Variants in PDE4D observed in about 807,000 individuals in gnomAD.
PDE4D encodes phosphodiesterase 4D.
Under a neutral mutation model 87.4 loss-of-function variants are expected in PDE4D, and 24 were observed. The observed-to-expected ratio is 0.27, with a 90% CI of 0.20 to 0.39. The LOEUF (loss-of-function observed/expected upper bound fraction) is 0.39, where lower values mean the gene tolerates loss of function less well. Among genes scored for constraint, PDE4D ranks in the 10% least tolerant of loss-of-function variants. PDE4D has a pLI of 1.00. For missense variants in PDE4D, 714 were observed against 1,041.0 expected (o/e 0.69, Z 4.32); for synonymous variants, 384 against 383.2 (o/e 1.00, Z -0.02).
intron 1 of PDE4D, among the ~76,000 whole-genome samples, chr5:60,216,073 T>C (rs1302346797): frequency 6.6e-6 from 1 of 152,090 alleles, no homozygotes; most frequent in Non-Finnish European, 1.5e-5. Flanking sequence ...TTTGGGAGAT[T>C]CTGGGGCCCC....
intron 1 of PDE4D, among the ~76,000 whole-genome samples, chr5:60,451,006 T>C (rs1292129498): frequency 1.3e-5 from 2 of 152,004 alleles, no homozygotes; most frequent in Admixed American, 6.6e-5. Context: ...GGGTCAAAAA[T>C]AGAACTTATA....
chr5:60,104,993 T>C (rs1224173761), intron 2 of PDE4D, among the ~76,000 whole-genome samples: 1 of 152,000 alleles, frequency 6.6e-6, no homozygotes, highest in Non-Finnish European at 1.5e-5. Context: ...TCACCAGCAA[T>C]GGAACAAAGC....
intron 1 of PDE4D, among the ~76,000 whole-genome samples, chr5:60,326,275 C>T (rs2149854452): frequency 6.6e-6 from 1 of 152,232 alleles, no homozygotes; most frequent in East Asian, 1.9e-4. Flanking sequence ...TACTATTTTA[C>T]ATTCCCATTA....
At position 59,193,549 on chromosome 5, in the gene PDE4D, C is replaced by T. The variant is rs752002499; in HGVS notation, c.648-13G>A. On this transcript the variant is annotated splice_polypyrimidine_tract_variant and intron_variant, in intron 2 of 14. Transcript: ENST00000340635. ...GTCATCTCCGTGTCTGAAAAATAAA[C>T]CAAATCCCGCATTAGAAATCATCAA... 6.2e-7 allele frequency: 1 copy of T among 1,613,074 alleles called. No homozygotes were observed. The highest frequency in any genetic ancestry group is 1.7e-5 in the Admixed American group (1 of 59,888).
At chr5:60,516,749 T>C (rs1731071708) in intron 1 of PDE4D, among the ~76,000 whole-genome samples, 1 of 152,014 alleles carries the variant, frequency 6.6e-6, no homozygotes, top group African/African-American at 2.4e-5. Context: ...ATTAACTCAT[T>C]TAATTTTCAC....
At chr5:60,484,051 T>C (rs1473308140) in intron 1 of PDE4D, among the ~76,000 whole-genome samples, 2 of 152,150 alleles carry the variant, frequency 1.3e-5, no homozygotes, top group African/African-American at 2.4e-5. Context: ...CTAATTGATC[T>C]TTCAAATCAT....
intron 1 of PDE4D, among the ~76,000 whole-genome samples, chr5:59,669,401 C>T (rs919274634): frequency 3.9e-5 from 6 of 152,148 alleles, no homozygotes; most frequent in South Asian, 4.2e-4. Context: ...CATGAGTCAC[C>T]GTGCCCGGCC....
chr5:60,112,161 T>TAGA (rs369578013), intron 2 of PDE4D, among the ~76,000 whole-genome samples: 37 of 152,216 alleles, frequency 2.4e-4, no homozygotes, highest in African/African-American at 8.4e-4. Context: ...ACTTCACTAA[T>TAGA]AGAAGAGCTG....
chr5:60,139,304 T>TC (rs1259233503), intron 2 of PDE4D, among the ~76,000 whole-genome samples: 2 of 152,120 alleles, frequency 1.3e-5, no homozygotes, highest in Non-Finnish European at 2.9e-5. Context: ...ATCAGGTTTT[T>TC]CTCAAGATCT....
At chr5:59,829,828 G>A (rs1483212148) in intron 1 of PDE4D, among the ~76,000 whole-genome samples, 2 of 151,878 alleles carry the variant, frequency 1.3e-5, no homozygotes, top group East Asian at 1.9e-4. Flanking sequence ...AGTAGGGCGA[G>A]AGAGGCCATG....
At chr5:59,690,430 C>T (rs1270410946) in intron 1 of PDE4D, among the ~76,000 whole-genome samples, 1 of 152,178 alleles carries the variant, frequency 6.6e-6, no homozygotes, top group East Asian at 1.9e-4. Context: ...CTTCAACCAT[C>T]TGATCTTTGA....
At chr5:60,043,657 C>CTT (rs70975361) in intron 2 of PDE4D, among the ~76,000 whole-genome samples, 7 of 142,016 alleles carry the variant, frequency 4.9e-5, no homozygotes, top group Non-Finnish European at 6.2e-5. Flanking sequence ...AAGGAATTTT[C>CTT]TTTTTTTTTT....
chr5:59,519,677 G>A (rs895542933), intron 1 of PDE4D, among the ~76,000 whole-genome samples: 1 of 152,234 alleles, frequency 6.6e-6, no homozygotes, highest in Non-Finnish European at 1.5e-5. Flanking sequence ...TAGATGGCAT[G>A]CCATTGGATG....
chr5:59,185,247 G>A lies in PDE4D; in HGVS notation c.700C>T (p.Arg234Ter), dbSNP rs776726294. 3 of 1,611,446 alleles carry A rather than the reference G, an allele frequency of 1.9e-6. No individual in the cohort carries two copies. The highest frequency in any genetic ancestry group is 2.5e-6 in the Non-Finnish European group (3 of 1,178,204). Residue 234 changes from arginine (R) to a stop codon, truncating the protein, a stop_gained, in exon 4 of 15, where the codon CGA (arginine) becomes TGA (stop). Transcript: ENST00000340635. LOFTEE classifies it high-confidence loss of function. Reference sequence around the variant, plus strand: ...GCAGCAAAGTTGTTTCGTACAGTTCGCAGACTGGCCAAGACCTACAACAAG... The same window carrying A: ...GCAGCAAAGTTGTTTCGTACAGTTCACAGACTGGCCAAGACCTACAACAAG... ...TPFAQVLASL[R>*]TVRNNFAALT...
intron 1 of PDE4D, among the ~76,000 whole-genome samples, chr5:59,403,985 T>C (rs2898243): frequency 0.17 from 26,284 of 152,174 alleles, 3,053 homozygotes; most frequent in African/African-American, 0.32. Context: ...GTCTTTTGGA[T>C]AAAAGCCATT....
chr5:59,550,085 GTCCGTCTACATGTTT>G (rs1480781120), intron 1 of PDE4D, among the ~76,000 whole-genome samples: 1 of 151,798 alleles, frequency 6.6e-6, no homozygotes, highest in Non-Finnish European at 1.5e-5. Flanking sequence ...ATTTTGTGAT[GTCCGTCTACATGTTT>G]TCCTTGAATG....
At chr5:60,309,337 G>C (rs1439225573) in intron 1 of PDE4D, among the ~76,000 whole-genome samples, 1 of 152,072 alleles carries the variant, frequency 6.6e-6, no homozygotes, top group Non-Finnish European at 1.5e-5. Context: ...CACATTTATA[G>C]AAAAAGAGAA....
At chr5:59,320,285 T>TA (rs778922294) in intron 1 of PDE4D, among the ~76,000 whole-genome samples, 15 of 152,084 alleles carry the variant, frequency 9.9e-5, no homozygotes, top group African/African-American at 1.4e-4. Flanking sequence ...GTAAAACACT[T>TA]AGAATCGTGC....
chr5:59,243,600 C>T (rs1436952788), intron 1 of PDE4D, among the ~76,000 whole-genome samples: 1 of 151,404 alleles, frequency 6.6e-6, no homozygotes, highest in Non-Finnish European at 1.5e-5. Flanking sequence ...GCTGGGATTA[C>T]AGGTGCCCAC....
Sources: allele counts gnomAD v4.1 joint callset (sites outside exome capture counted in the v4.1 genomes callset), GRCh38; gene constraint gnomAD v4.1.1; transcripts MANE v1.5; gene names NCBI Gene and HGNC (gene_info 2026-07-23, HGNC 2026-07-21).